Variants in TBX5 observed in about 807,000 individuals in gnomAD.
The protein encoded by TBX5 is T-box transcription factor TBX5.
TBX5 carries 8 observed loss-of-function variants against 51.1 expected under a neutral mutation model. The ratio of observed to expected loss-of-function variants is 0.16; its 90% CI spans 0.09 to 0.28. The LOEUF is 0.28. Among genes scored for constraint, TBX5 ranks in the 10% least tolerant of loss-of-function variants. The probability of loss-of-function intolerance (pLI) is 1.00; values close to 1 mark genes in which losing one functional copy is unlikely to be tolerated. For missense variants in TBX5, 589 were observed against 671.7 expected (o/e 0.88, Z 1.36); for synonymous variants, 302 against 266.4 (o/e 1.13, Z -1.30).
In TBX5 at chr12:114,355,179, C is replaced by T. The variant is rs745450726; in HGVS notation, c.*353G>A. The T allele has an allele frequency of 1.3e-4, 48 of 379,326 alleles. No homozygotes were observed. The highest frequency in any genetic ancestry group is 2.1e-4 in the Non-Finnish European group (41 of 197,296). The allele number at this position is 379,326 out of a possible 1,614,324, so 23.5% of individuals were successfully genotyped here. ...TCCAACTACGCACTAGGGAAAAACA[C>T]TCAATGAGGCAAGACTTTCTAGAGC... is the stretch of plus-strand genomic sequence containing the variant. On this transcript the variant is annotated 3_prime_UTR_variant, in exon 9 of 9. Coordinates refer to ENST00000405440, the MANE Select transcript of TBX5 (RefSeq NM_181486.4).
At chr12:114,379,988 T>C (rs1049386075) in intron 7 of TBX5, among the ~76,000 whole-genome samples, 7 of 152,160 alleles carry the variant, frequency 4.6e-5, no homozygotes, top group East Asian at 1.9e-4. Flanking sequence ...ATACCTGTCA[T>C]AGAGTCACTC....
At chr12:114,364,947 G>T (rs542405528) in intron 8 of TBX5, among the ~76,000 whole-genome samples, 41 of 152,106 alleles carry the variant, frequency 2.7e-4, no homozygotes, top group Admixed American at 2.3e-3. Context: ...CCAAGCAATG[G>T]TTCTATCGAG....
rs79139632 is a variant in TBX5, at chr12:114,376,274, TAC to T, written c.755+9200_755+9201del. On this transcript the variant is annotated intron_variant, in intron 7 of 8. Transcript: ENST00000405440. ...AAAGAAAATGTGGTGTGTATATATA[TAC>T]ACACACACACACACACTAGAATACT... Among the ~76,000 whole-genome samples the T allele has an allele frequency of 3.9e-4, 56 of 144,930 alleles. No individual in the cohort carries two copies. In the East Asian group the frequency reaches 0.011, roughly 29 times the overall value.
intron 5 of TBX5, among the ~76,000 whole-genome samples, chr12:114,395,199 C>A (rs188446538): frequency 6.6e-6 from 1 of 152,216 alleles, no homozygotes; most frequent in East Asian, 1.9e-4. Context: ...CACTTCCCAC[C>A]CCCAACGGGA....
intron 4 of TBX5, among the ~76,000 whole-genome samples, 185 bp downstream of exon 4, chr12:114,399,328 C>G (rs1352263504): frequency 6.6e-6 from 1 of 151,834 alleles, no homozygotes; most frequent in Non-Finnish European, 1.5e-5. Flanking sequence ...AAAACCGGAG[C>G]TAATTGTTGT....
chr12:114,384,714 A>AACACACAC (rs1555225276), intron 7 of TBX5, among the ~76,000 whole-genome samples: 14,430 of 143,788 alleles, frequency 0.1, 965 homozygotes, highest in Admixed American at 0.22. Flanking sequence ...AAAAAAAGAA[A>AACACACAC]ACACACACAC....
At chr12:114,379,115 G>C (rs1020931895) in intron 7 of TBX5, among the ~76,000 whole-genome samples, 1 of 152,124 alleles carries the variant, frequency 6.6e-6, no homozygotes, top group African/African-American at 2.4e-5. Context: ...CATCCTGCCT[G>C]ACCTGCCTTC....
At chr12:114,403,725 G>A (rs757458600) in intron 2 of TBX5, 27 bp downstream of exon 2, 3 of 1,610,666 alleles carry the variant, frequency 1.9e-6, no homozygotes, top group African/African-American at 1.3e-5. Context: ...TCTCTGCAAA[G>A]GGACCCGAAG....
rs1003095754 is a variant in TBX5, at chr12:114,395,931, G to A, written c.511-1038C>T. 2.6e-5 allele frequency among the ~76,000 whole-genome samples: 4 copies of A among 152,286 alleles called. No homozygotes were observed. In the South Asian group the frequency reaches 8.3e-4, roughly 32 times the overall value. The stretch of plus-strand genomic sequence containing the variant: ...ATAAAACTGGGTTTGTTGTTCTGAT[G>A]ACGCTAGTATTTACCAGAACGCTCT... On this transcript the variant is annotated intron_variant, in intron 5 of 8. Transcript: ENST00000405440.
chr12:114,407,813 C>A (rs1288475235), upstream of TBX5: 3 of 985,346 alleles, frequency 3.0e-6, no homozygotes, highest in Non-Finnish European at 3.6e-6. Context: ...GTGAAACTCA[C>A]CTCCAACTAT....
intron 8 of TBX5, among the ~76,000 whole-genome samples, chr12:114,364,586 C>T (rs1440429561): frequency 6.6e-6 from 1 of 152,140 alleles, no homozygotes; most frequent in African/African-American, 2.4e-5. Context: ...TTAGCCTACC[C>T]CATCCCTTCT....
rs1019497826 is a variant in TBX5, at chr12:114,395,013, T to C, written c.511-120A>G. On this transcript the variant is annotated intron_variant, in intron 5 of 8. Coordinates refer to ENST00000405440, the MANE Select transcript of TBX5 (RefSeq NM_181486.4). ...TATATCGGCTCTCGAAAAATAGATA[T>C]TTTTCTTCTGTTTTGAAAAGGGGCC... The C allele has an allele frequency of 8.1e-6, 8 of 989,264 alleles. No homozygotes were observed. The Admixed American group carries it at 1.7e-4, about 21-fold the overall frequency. The allele number at this position is 989,264 out of a possible 1,614,324, so 61.3% of individuals were successfully genotyped here.
At chr12:114,376,669 T>A (rs552140166) in intron 7 of TBX5, among the ~76,000 whole-genome samples, 7 of 150,476 alleles carry the variant, frequency 4.7e-5, no homozygotes, top group Admixed American at 1.3e-4. Flanking sequence ...TATATTAAAA[T>A]ATATATATAC....
intron 1 of TBX5, among the ~76,000 whole-genome samples, chr12:114,404,719 G>A (rs1872087106): frequency 6.6e-6 from 1 of 152,160 alleles, no homozygotes; most frequent in Admixed American, 6.5e-5. Context: ...CCCGCCACCA[G>A]CGCTCTGATG....
At chr12:114,400,295 GTC>G (rs1871727086) in intron 3 of TBX5, among the ~76,000 whole-genome samples, 1 of 152,216 alleles carries the variant, frequency 6.6e-6, no homozygotes, top group African/African-American at 2.4e-5. Context: ...TCCTCGGAGA[GTC>G]GAAATTCCTT....
intron 7 of TBX5, among the ~76,000 whole-genome samples, chr12:114,373,182 C>T (rs938103719): frequency 1.2e-4 from 18 of 152,238 alleles, no homozygotes; most frequent in African/African-American, 4.3e-4. Flanking sequence ...TTCACATTTG[C>T]ATTGGCTACT....
At chr12:114,371,239 C>T (rs1390801757) in intron 7 of TBX5, among the ~76,000 whole-genome samples, 1 of 152,144 alleles carries the variant, frequency 6.6e-6, no homozygotes, top group Non-Finnish European at 1.5e-5. Flanking sequence ...CACCTGCATC[C>T]CATGGACAAG....
chr12:114,397,990 T>C (rs998531825), intron 5 of TBX5, among the ~76,000 whole-genome samples: 1 of 152,210 alleles, frequency 6.6e-6, no homozygotes, highest in Non-Finnish European at 1.5e-5. Context: ...CAGTCTATAC[T>C]GGGTATCCAC....
At chr12:114,378,072 C>T (rs1255908152) in intron 7 of TBX5, among the ~76,000 whole-genome samples, 6 of 152,158 alleles carry the variant, frequency 3.9e-5, no homozygotes, top group Non-Finnish European at 7.4e-5. Context: ...CCCCTGATGC[C>T]GTCTGCAGCA....
Sources: allele counts gnomAD v4.1 joint callset (sites outside exome capture counted in the v4.1 genomes callset), GRCh38; gene constraint gnomAD v4.1.1; transcripts MANE v1.5; gene names NCBI Gene and HGNC (gene_info 2026-07-23, HGNC 2026-07-21).